The following MYOM2 variants were observed in gnomAD, a reference collection of about 807,000 sequenced individuals.
MYOM2 encodes the protein myomesin 2, also known as myomesin-2.
A neutral mutation model predicts 187.6 loss-of-function variants in MYOM2; 254 were observed. The ratio of observed to expected loss-of-function variants is 1.35; its 90% CI spans 1.22 to 1.50. MYOM2 has a LOEUF of 1.50. Ranked by LOEUF, MYOM2 falls within the 40% of genes most tolerant of loss-of-function variation. MYOM2 has a pLI of 0.00. For synonymous variants in MYOM2, 981 were observed against 753.8 expected (o/e 1.30, Z -4.94); for missense variants, 2,796 against 1,924.0 (o/e 1.45, Z -8.48).
chr8:2,131,921 G>A lies in MYOM2; in HGVS notation c.3800+2689G>A, dbSNP rs370449092. On this transcript the variant is annotated intron_variant, in intron 32 of 36. Transcript: ENST00000262113. ...GCCTCCCAAAATGCTGGGATTACAG[G>A]CGTGAGCTACCGCAGCCGGCCAATA... is the stretch of plus-strand genomic sequence containing the variant. 8.0e-3 allele frequency among the ~76,000 whole-genome samples: 1,210 copies of A among 152,180 alleles called. 15 individuals carry two copies. Among genetic ancestry groups the A allele is most frequent in the African/African-American group, 0.027 (1,111 of 41,516 alleles).
intron 5 of MYOM2, among the ~76,000 whole-genome samples, 180 bp downstream of exon 5, chr8:2,057,960 T>C (rs1401988637): frequency 1.3e-5 from 2 of 151,062 alleles, no homozygotes; most frequent in South Asian, 2.1e-4. Flanking sequence ...GCAAACATTT[T>C]TATTTTCATG....
At chr8:2,092,287 T>C in intron 15 of MYOM2, 59 bp from the exon 16 acceptor site, 1 of 1,570,480 alleles carries the variant, frequency 6.4e-7, no homozygotes, top group Non-Finnish European at 8.7e-7. Context: ...GGAAGATCTC[T>C]GCTGTAGCTT....
chr8:2,050,545 AC>A (rs1412307812), intron 1 of MYOM2, among the ~76,000 whole-genome samples: 2 of 152,274 alleles, frequency 1.3e-5, no homozygotes, highest in African/African-American at 2.4e-5. Context: ...GTGGAAGAAA[AC>A]AAAAAATAAA....
chr8:2,133,123 G>A (rs1585967659), intron 32 of MYOM2, among the ~76,000 whole-genome samples: 1 of 151,462 alleles, frequency 6.6e-6, no homozygotes, highest in Non-Finnish European at 1.5e-5. Context: ...CCAGTTCTCT[G>A]CATGTGTTCT....
In MYOM2 at chr8:2,094,713, C is replaced by T. The variant is rs117040689; in HGVS notation, c.2125+622C>T. ...TTTCAAAATATGTGCTAAAATACAG[C>T]AACATCCATGACCTTTTTAGCTGTT... On this transcript the variant is annotated intron_variant, in intron 17 of 36. Coordinates refer to ENST00000262113, the MANE Select transcript of MYOM2 (RefSeq NM_003970.4). Among the ~76,000 whole-genome samples the T allele has an allele frequency of 1.7e-3, 252 of 152,330 alleles. 2 individuals carry two copies. The East Asian group carries it at 0.039, about 24-fold the overall frequency.
intron 32 of MYOM2, among the ~76,000 whole-genome samples, chr8:2,137,812 T>G (rs1020904012): frequency 3.3e-5 from 5 of 152,154 alleles, no homozygotes. Context: ...CTGTAAAGTG[T>G]CCAGTTGTAA....
At chr8:2,125,609 T>TC (rs1797608300) in intron 31 of MYOM2, among the ~76,000 whole-genome samples, 1 of 113,284 alleles carries the variant, frequency 8.8e-6, no homozygotes, top group Non-Finnish European at 1.8e-5. Flanking sequence ...TTTTCCTTTT[T>TC]TTTTTTTTTT....
chr8:2,070,496 G>A (rs984928973), intron 8 of MYOM2, among the ~76,000 whole-genome samples: 6 of 152,300 alleles, frequency 3.9e-5, no homozygotes, highest in African/African-American at 1.4e-4. Flanking sequence ...TGGGGAGCCC[G>A]GGAGATCTGG....
At chr8:2,064,402 C>T (rs541505593) in intron 6 of MYOM2, among the ~76,000 whole-genome samples, 11 of 152,330 alleles carry the variant, frequency 7.2e-5, no homozygotes, top group African/African-American at 2.4e-4. Flanking sequence ...GGGGTGACCG[C>T]GAGCTCCTTA....
At chr8:2,092,587 G>A (rs893877) in intron 16 of MYOM2, 67 bp downstream of exon 16, 1,035,345 of 1,540,706 alleles carry the variant, frequency 0.67, 354,955 homozygotes, top group South Asian at 0.78. Context: ...AGGTCCCTGT[G>A]GCCCTGGCAC....
chr8:2,123,284 A>C lies in MYOM2; in HGVS notation c.3486A>C (p.Lys1162Asn), dbSNP rs200806061. The C allele has an allele frequency of 4.2e-5, 68 of 1,613,020 alleles. No homozygotes were observed. Among genetic ancestry groups the C allele is most frequent in the Non-Finnish European group, 5.9e-6 (7 of 1,179,786 alleles). The change falls in exon 29 of 37, where the codon AAA (lysine) becomes AAC (asparagine). Residue 1162 changes from lysine to asparagine, a missense_variant. Coordinates refer to ENST00000262113, the MANE Select transcript of MYOM2 (RefSeq NM_003970.4). ...ACACCAAGAAAGAAACCGTTTTCAA[A>C]TGGCTCAAGGATGATGTTCTGTATG... ...VANTKKETVF[K>N]WLKDDVLYET...
chr8:2,144,907 A>T lies in MYOM2; in HGVS notation c.4324A>T (p.Ile1442Phe), dbSNP rs1052305612. 5 of 1,614,080 alleles carry T rather than the reference A, an allele frequency of 3.1e-6. No homozygotes were observed. Among genetic ancestry groups the T allele is most frequent in the Admixed American group, 1.7e-5 (1 of 60,014 alleles). ...TVSVYKHGEK[I>F]PDMAPPQQAK... ...GAGCGTGTACAAACACGGGGAGAAG[A>T]TCCCGGACATGGCCCCGCCCCAGCA... The change falls in exon 37 of 37, where the codon ATC (isoleucine) becomes TTC (phenylalanine). Residue 1442 changes from isoleucine to phenylalanine, a missense_variant. Ile to Phe is a conservative substitution (Grantham distance 21). Transcript: ENST00000262113.
At chr8:2,068,263 C>T (rs1158881850) in intron 6 of MYOM2, among the ~76,000 whole-genome samples, 1 of 151,220 alleles carries the variant, frequency 6.6e-6, no homozygotes, top group Non-Finnish European at 1.5e-5. Flanking sequence ...CTCTTCAATG[C>T]CTGTGTGCAC....
chr8:2,130,598 T>A (rs186592091), intron 32 of MYOM2, among the ~76,000 whole-genome samples: 1 of 152,362 alleles, frequency 6.6e-6, no homozygotes, highest in East Asian at 1.9e-4. Flanking sequence ...TTTTTCCTAT[T>A]TCAATTTTGA....
chr8:2,092,239 C>T (rs1386161898), intron 15 of MYOM2, 107 bp from the exon 16 acceptor site: 19 of 1,330,162 alleles, frequency 1.4e-5, no homozygotes, highest in Admixed American at 6.3e-5. Flanking sequence ...TCTTCCAAAG[C>T]CCCCAGTCTG....
At chr8:2,120,176 C>T (rs1048695698) in intron 28 of MYOM2, among the ~76,000 whole-genome samples, 2 of 151,992 alleles carry the variant, frequency 1.3e-5, no homozygotes, top group Non-Finnish European at 2.9e-5. Context: ...TAGTGTGAGT[C>T]AGGGGACAGA....
At chr8:2,087,779 C>T (rs796607841) in intron 14 of MYOM2, among the ~76,000 whole-genome samples, 5 of 152,268 alleles carry the variant, frequency 3.3e-5, no homozygotes, top group African/African-American at 1.2e-4. Context: ...CCACCACGCC[C>T]AGCTGATTTT....
chr8:2,079,054 C>A (rs1273646021), intron 12 of MYOM2, 121 bp downstream of exon 12: 2 of 909,152 alleles, frequency 2.2e-6, no homozygotes, highest in Non-Finnish European at 3.4e-6. Context: ...GTGTGCAGAG[C>A]ATAGCACAGG....
chr8:2,116,050 C>T lies in MYOM2; in HGVS notation c.3271C>T (p.Gln1091Ter), dbSNP rs1585932793. Reference sequence around the variant, plus strand: ...TGAAAATGAGGGGACCTACACTGTGCAGATTCATGATGGGAAAGCCAAAAG... The same window carrying T: ...TGAAAATGAGGGGACCTACACTGTGTAGATTCATGATGGGAAAGCCAAAAG... Reference protein sequence around the residue: ...SIENEGTYTVQIHDGKAKSQS... With the variant: ...SIENEGTYTV Residue 1091 changes from glutamine to a stop codon, truncating the protein, a stop_gained, in exon 26 of 37, where the codon CAG becomes TAG. Transcript: ENST00000262113. LOFTEE classifies it high-confidence loss of function. 2 of 1,613,902 alleles carry T rather than the reference C, an allele frequency of 1.2e-6. No individual in the cohort carries two copies. The highest frequency in any genetic ancestry group is 1.7e-6 in the Non-Finnish European group (2 of 1,179,966).
Sources: allele counts gnomAD v4.1 joint callset (sites outside exome capture counted in the v4.1 genomes callset), GRCh38; gene constraint gnomAD v4.1.1; transcripts MANE v1.5; gene names NCBI Gene and HGNC (gene_info 2026-07-23, HGNC 2026-07-21).